The following NAV3 variants were observed in gnomAD, a reference collection of about 807,000 sequenced individuals.
The protein encoded by NAV3 is pore membrane and/or filament interacting like protein 1.
NAV3 carries 87 observed loss-of-function variants against 244.7 expected under a neutral mutation model. That is an observed-to-expected ratio of 0.36 (90% CI 0.30 to 0.42). NAV3 has a LOEUF of 0.42. NAV3 is among the 20% of genes least tolerant of loss of function. The pLI is 1.00. For synonymous variants in NAV3, 1,126 were observed against 1,042.2 expected, an observed-to-expected ratio of 1.08 and a Z score of -1.55; for missense variants, 2,663 against 2,893.3, an observed-to-expected ratio of 0.92 and a Z score of 1.83.
chr12:77,714,749 GA>G (rs1255078065), intron 2 of NAV3, among the ~76,000 whole-genome samples: 4 of 152,036 alleles, frequency 2.6e-5, no homozygotes, highest in Non-Finnish European at 4.4e-5. Flanking sequence ...TTCCTGGAAG[GA>G]AATTTGCAAA....
chr12:77,994,990 A>G, intron 6 of NAV3, 119 bp downstream of exon 6: 1 of 640,812 alleles, frequency 1.6e-6, no homozygotes. Flanking sequence ...TTAGAGCACT[A>G]AATTTTTCCA....
intron 2 of NAV3, among the ~76,000 whole-genome samples, chr12:77,618,127 T>A (rs1871213952): frequency 6.6e-6 from 1 of 152,190 alleles, no homozygotes; most frequent in South Asian, 2.1e-4. Flanking sequence ...GAGTAAACCA[T>A]CTAGGCAATG....
chr12:78,185,456 G>C, intron 30 of NAV3, 145 bp from the exon 31 acceptor site: 5 of 614,398 alleles, frequency 8.1e-6, no homozygotes, highest in Non-Finnish European at 2.7e-6. Context: ...CTTCTGGAAA[G>C]CTGAGGCTTT....
intron 9 of NAV3, among the ~76,000 whole-genome samples, chr12:78,034,525 G>A (rs1349721056): frequency 2.0e-5 from 3 of 152,172 alleles, no homozygotes; most frequent in Admixed American, 2.0e-4. Flanking sequence ...ATTGGTATAT[G>A]TATAAGCAGT....
chr12:78,006,798 T>C lies in NAV3; in HGVS notation c.1260T>C (p.Ser420=). 6.2e-7 allele frequency: 1 copy of C among 1,614,196 alleles called. No homozygotes were observed. Among genetic ancestry groups the C allele is most frequent in the Non-Finnish European group, 8.5e-7 (1 of 1,180,040 alleles). The part of the protein sequence containing the change: ...GGKDDDAFSE[S]GEMEGFNSGL... ...AGGATGATGATGCCTTTTCTGAATC[T>C]GGTGAAATGGAAGGTTTTAACAGTG... Residue 420 remains serine (S), a synonymous_variant, in exon 8 of 40, where the codon TCT becomes TCC. Coordinates refer to ENST00000397909, the MANE Select transcript of NAV3 (RefSeq NM_001024383.2).
intron 2 of NAV3, among the ~76,000 whole-genome samples, chr12:77,675,973 A>G (rs1362514717): frequency 6.6e-6 from 1 of 152,066 alleles, no homozygotes; most frequent in African/African-American, 2.4e-5. Context: ...TCTCTACTGC[A>G]TTTGGCCCTG....
intron 3 of NAV3, among the ~76,000 whole-genome samples, chr12:77,953,191 A>G (rs1276662504): frequency 6.6e-6 from 1 of 152,180 alleles, no homozygotes; most frequent in African/African-American, 2.4e-5. Flanking sequence ...AGTAAATTAA[A>G]GAAGAATAGC....
chr12:78,004,799 C>T lies in NAV3; in HGVS notation c.881-1620C>T, dbSNP rs371641019. Reference sequence around the variant, plus strand: ...CCTCTGTATAGGGACAGGCTGTGGACAGATTTAGAGCGGAGCTTCAGGAAG... The same window carrying T: ...CCTCTGTATAGGGACAGGCTGTGGATAGATTTAGAGCGGAGCTTCAGGAAG... On this transcript the variant is annotated intron_variant, in intron 7 of 39. Coordinates refer to ENST00000397909, the MANE Select transcript of NAV3 (RefSeq NM_001024383.2). Among the ~76,000 whole-genome samples, 23 of 152,274 alleles carry T rather than the reference C, an allele frequency of 1.5e-4. No homozygotes were observed. The East Asian group carries it at 2.1e-3, about 14-fold the overall frequency.
At chr12:77,638,041 T>C (rs888856412) in intron 2 of NAV3, among the ~76,000 whole-genome samples, 1 of 152,214 alleles carries the variant, frequency 6.6e-6, no homozygotes, top group African/African-American at 2.4e-5. Context: ...CCATCTTATT[T>C]GTGCACTAGA....
chr12:77,899,521 A>T (rs978055087), intron 1 of NAV3, among the ~76,000 whole-genome samples: 1 of 152,238 alleles, frequency 6.6e-6, no homozygotes, highest in Non-Finnish European at 1.5e-5. Context: ...AGGTATTTGT[A>T]ATTAAGGTAT....
intron 2 of NAV3, among the ~76,000 whole-genome samples, chr12:77,678,979 TTAAG>T (rs1773295084): frequency 1.3e-5 from 2 of 152,190 alleles, no homozygotes; most frequent in African/African-American, 4.8e-5. Flanking sequence ...CCATTATCTT[TTAAG>T]TAACTCCAAA....
At chr12:78,190,453 A>G (rs1439939667) in intron 34 of NAV3, among the ~76,000 whole-genome samples, 1 of 152,090 alleles carries the variant, frequency 6.6e-6, no homozygotes, top group Non-Finnish European at 1.5e-5. Context: ...GGGAATATAC[A>G]GAATAATATG....
At chr12:77,821,445 A>T (rs1872741910) in intron 2 of NAV3, among the ~76,000 whole-genome samples, 1 of 152,234 alleles carries the variant, frequency 6.6e-6, no homozygotes, top group Non-Finnish European at 1.5e-5. Flanking sequence ...TATCTGCAAT[A>T]AAGCAGGAGA....
upstream of NAV3, among the ~76,000 whole-genome samples, chr12:77,828,123 A>C (rs1007053925): frequency 1.3e-4 from 20 of 152,190 alleles, no homozygotes; most frequent in African/African-American, 4.6e-4. Flanking sequence ...TTAAAAGGTG[A>C]GTAGGCCATG....
intron 1 of NAV3, among the ~76,000 whole-genome samples, chr12:77,865,352 A>G (rs1286614242): frequency 1.4e-5 from 2 of 138,926 alleles, no homozygotes; most frequent in Non-Finnish European, 3.1e-5. Context: ...CATAATGTCT[A>G]TAAGGTACCA....
Position 78,119,444 on chromosome 12 carries a change from G to C in NAV3, c.3248G>C (p.Gly1083Ala), listed in dbSNP as rs1017428269. The change falls in exon 15 of 40, where the codon GGA becomes GCA. Residue 1083 changes from glycine to alanine, a missense_variant. Coordinates refer to ENST00000397909, the MANE Select transcript of NAV3 (RefSeq NM_001024383.2). ...TCATCTGCCATGATCACCAGCAGTG[G>C]AGCAACCATAACAAGTGGCTCTGCA... ...VGSSAMITSSGATITSGSATL... is the reference protein window; with the variant it reads ...VGSSAMITSSAATITSGSATL... The C allele has an allele frequency of 1.1e-5, 18 of 1,614,044 alleles. No homozygotes were observed. The Admixed American group carries it at 1.5e-4, about 13-fold the overall frequency.
intron 12 of NAV3, among the ~76,000 whole-genome samples, chr12:78,060,860 T>C (rs1273160145): frequency 6.6e-6 from 1 of 152,108 alleles, no homozygotes; most frequent in African/African-American, 2.4e-5. Flanking sequence ...TATCTGCTAG[T>C]TTTTGGTAAA....
At chr12:77,921,173 G>A (rs4542458) in intron 1 of NAV3, among the ~76,000 whole-genome samples, 62,879 of 151,718 alleles carry the variant, frequency 0.41, 14,094 homozygotes, top group African/African-American at 0.6. Flanking sequence ...AATGAGAAAC[G>A]TCTTTTGGTC....
intron 4 of NAV3, 131 bp from the exon 5 acceptor site, chr12:77,968,388 C>A: frequency 1.4e-6 from 1 of 719,372 alleles, no homozygotes; most frequent in Non-Finnish European, 2.3e-6. Context: ...GTTTGTGATT[C>A]AACTGTGACT....
Sources: gnomAD v4.1 joint callset for allele counts (sites outside exome capture counted in the v4.1 genomes callset) on GRCh38, gnomAD v4.1.1 for gene constraint, MANE v1.5 for transcripts, NCBI Gene and HGNC (gene_info 2026-07-23, HGNC 2026-07-21) for gene names.